UGT2B4: variants seen among roughly 807,000 people sequenced by gnomAD.
The protein encoded by UGT2B4 is UDP glucuronosyltransferase family 2 member B4.
In UGT2B4, 49 loss-of-function variants were observed where a neutral mutation model predicts 49.8. That is an observed-to-expected ratio of 0.98 (90% CI 0.78 to 1.25). The LOEUF (loss-of-function observed/expected upper bound fraction) is 1.25. Among genes scored for constraint, UGT2B4 ranks in the 50% most tolerant of loss-of-function variants. The pLI is 0.00. For missense variants in UGT2B4, 729 were observed against 627.7 expected (o/e 1.16, Z -1.73); for synonymous variants, 246 against 217.7 (o/e 1.13, Z -1.14).
chr4:69,482,799 G>T (rs989297796), intron 5 of UGT2B4, among the ~76,000 whole-genome samples: 1 of 151,596 alleles, frequency 6.6e-6, no homozygotes, highest in African/African-American at 2.4e-5. Context: ...CAGAGACAAG[G>T]TTTTCACCAT....
chr4:69,483,616 A>C (rs145142795), intron 5 of UGT2B4, among the ~76,000 whole-genome samples: 2 of 152,046 alleles, frequency 1.3e-5, no homozygotes, highest in Non-Finnish European at 2.9e-5. Flanking sequence ...AGGTAGCTTT[A>C]TCATTCATTA....
chr4:69,492,938 T>A (rs1728033881), intron 2 of UGT2B4, among the ~76,000 whole-genome samples: 8 of 152,090 alleles, frequency 5.3e-5, no homozygotes, highest in Admixed American at 5.3e-4. Flanking sequence ...AATCTTTTTT[T>A]AAAAACTATA....
chr4:69,489,876 A>G lies in UGT2B4; in HGVS notation c.871-306T>C, dbSNP rs41297391. Among the ~76,000 whole-genome samples the G allele has an allele frequency of 2.3e-3, 345 of 152,226 alleles. 1 individual carries two copies. The highest frequency in any genetic ancestry group is 6.8e-3 in the Middle Eastern group (2 of 294). ...ACCCAAACTCTTCACTTATCATATT[A>G]TAAGTACTAATATAGGTTCTTTAAA... On this transcript the variant is annotated intron_variant, in intron 2 of 5. Transcript: ENST00000305107.
intron 1 of UGT2B4, among the ~76,000 whole-genome samples, chr4:69,514,790 C>A (rs549275178): frequency 2.0e-5 from 3 of 152,176 alleles, no homozygotes; most frequent in East Asian, 1.9e-4. Context: ...ACCACCCTTA[C>A]AGACACATCT....
At chr4:69,502,364 C>G (rs1473436747) in intron 1 of UGT2B4, among the ~76,000 whole-genome samples, 2 of 151,920 alleles carry the variant, frequency 1.3e-5, no homozygotes, top group East Asian at 3.9e-4. Flanking sequence ...CTGTGTTAGA[C>G]CTCCCAACTG....
chr4:69,506,144 C>G (rs1478055366), intron 1 of UGT2B4, among the ~76,000 whole-genome samples: 3 of 151,984 alleles, frequency 2.0e-5, no homozygotes, highest in Middle Eastern at 3.4e-3. Context: ...AATTAACAAC[C>G]TGAAAATCAC....
Position 69,485,557 on chromosome 4 carries a change from C to T in UGT2B4, c.1091-130G>A, listed in dbSNP as rs1727756371. ...TGAATTAAAATTGTTTTTGAGACTT[C>T]AGAGGAAGGAACGCCTACTTCTGCT... On this transcript the variant is annotated intron_variant, in intron 4 of 5. Coordinates refer to ENST00000305107, the MANE Select transcript of UGT2B4 (RefSeq NM_021139.3). 3.1e-6 allele frequency: 4 copies of T among 1,310,570 alleles called. No homozygotes were observed. In the South Asian group the frequency reaches 5.1e-5, roughly 17 times the overall value. 81.2% of individuals were successfully genotyped at this position (1,310,570 alleles called of 1,614,324 possible).
chr4:69,493,925 G>A, intron 1 of UGT2B4, 84 bp from the exon 2 acceptor site: 13 of 1,459,750 alleles, frequency 8.9e-6, no homozygotes, highest in South Asian at 2.8e-5. Context: ...GAATAATGTG[G>A]GCAAAAATGT....
At chr4:69,519,505 T>C (rs1728801354) in intron 1 of UGT2B4, among the ~76,000 whole-genome samples, 1 of 152,214 alleles carries the variant, frequency 6.6e-6, no homozygotes, top group Non-Finnish European at 1.5e-5. Context: ...TCTATCTTTC[T>C]GTGAAAGGAA....
At chr4:69,522,352 A>G (rs767526188) in intron 1 of UGT2B4, among the ~76,000 whole-genome samples, 9 of 152,220 alleles carry the variant, frequency 5.9e-5, no homozygotes, top group Non-Finnish European at 8.8e-5. Context: ...GTGGGAGGTA[A>G]CAAACATGAA....
At chr4:69,492,015 A>G (rs765192081) in intron 2 of UGT2B4, among the ~76,000 whole-genome samples, 8 of 152,150 alleles carry the variant, frequency 5.3e-5, no homozygotes, top group Non-Finnish European at 7.4e-5. Flanking sequence ...TAGAAGGGTG[A>G]TATCAATTTA....
At chr4:69,509,063 T>C (rs189639731) in intron 1 of UGT2B4, among the ~76,000 whole-genome samples, 100 of 152,210 alleles carry the variant, frequency 6.6e-4, no homozygotes, top group African/African-American at 2.3e-3. Context: ...CTTACAGAAG[T>C]GGAAGCATGC....
intron 5 of UGT2B4, among the ~76,000 whole-genome samples, chr4:69,481,554 G>A (rs989007404): frequency 6.6e-6 from 1 of 152,068 alleles, no homozygotes; most frequent in Non-Finnish European, 1.5e-5. Flanking sequence ...CATAGTAGGG[G>A]TATTTTTCTA....
At chr4:69,502,087 C>CTTTCTTTCTT (rs780839341) in intron 1 of UGT2B4, among the ~76,000 whole-genome samples, 25 of 38,350 alleles carry the variant, frequency 6.5e-4, no homozygotes, top group African/African-American at 2.3e-3. Flanking sequence ...TTCTTTCTTT[C>CTTTCTTTCTT]TCTCTCTTTC....
intron 1 of UGT2B4, among the ~76,000 whole-genome samples, chr4:69,494,727 A>C (rs1241417215): frequency 6.6e-6 from 1 of 152,212 alleles, no homozygotes; most frequent in African/African-American, 2.4e-5. Context: ...TGAAATATAC[A>C]AGAAAAAACA....
intron 1 of UGT2B4, among the ~76,000 whole-genome samples, chr4:69,522,256 T>A (rs1728865491): frequency 1.3e-5 from 2 of 152,138 alleles, no homozygotes; most frequent in South Asian, 4.1e-4. Flanking sequence ...CAAAAACACA[T>A]TATACACAAC....
At chr4:69,524,093 A>G (rs941966269) in intron 1 of UGT2B4, among the ~76,000 whole-genome samples, 8 of 145,526 alleles carry the variant, frequency 5.5e-5, no homozygotes, top group African/African-American at 2.0e-4. Context: ...ATCTAGATTA[A>G]ATTTTCTTCA....
intron 1 of UGT2B4, among the ~76,000 whole-genome samples, chr4:69,515,131 A>C (rs907401471): frequency 1.3e-5 from 2 of 152,200 alleles, no homozygotes; most frequent in Admixed American, 6.5e-5. Flanking sequence ...AAAATTAACA[A>C]AGGTATTAAG....
intron 3 of UGT2B4, among the ~76,000 whole-genome samples, chr4:69,487,211 C>T (rs548104057): frequency 6.6e-6 from 1 of 152,216 alleles, no homozygotes; most frequent in African/African-American, 2.4e-5. Context: ...ACCATTCAAC[C>T]CAGCAATCCC....
Sources: gnomAD v4.1 joint callset for allele counts (sites outside exome capture counted in the v4.1 genomes callset) on GRCh38, gnomAD v4.1.1 for gene constraint, MANE v1.5 for transcripts, NCBI Gene and HGNC (gene_info 2026-07-23, HGNC 2026-07-21) for gene names.